Variants in XKR4 observed in about 807,000 individuals in gnomAD.
XKR4 encodes the protein XK-related protein 4.
In XKR4, 12 loss-of-function variants were observed where a neutral mutation model predicts 53.9. The observed-to-expected ratio is 0.22, with a 90% CI of 0.14 to 0.36. The LOEUF (loss-of-function observed/expected upper bound fraction) is 0.36, where lower values mean the gene tolerates loss of function less well. Ranked by LOEUF, XKR4 falls within the 10% of genes least tolerant of loss-of-function variation. The pLI, the probability that XKR4 is intolerant of heterozygous loss-of-function variation, is 1.00. For missense variants in XKR4, 799 were observed against 859.5 expected (o/e 0.93, Z 0.88); for synonymous variants, 354 against 362.4 (o/e 0.98, Z 0.26).
At chr8:55,201,029 T>G (rs1440853247) in intron 1 of XKR4, among the ~76,000 whole-genome samples, 1 of 152,248 alleles carries the variant, frequency 6.6e-6, no homozygotes, top group Non-Finnish European at 1.5e-5. Flanking sequence ...AACATCATAT[T>G]AATTTCTTGG....
At chr8:55,103,369 A>G (rs1056100174) in intron 1 of XKR4, 75 bp downstream of exon 1, 2 of 1,515,292 alleles carry the variant, frequency 1.3e-6, no homozygotes, top group Non-Finnish European at 1.8e-6. Context: ...TTGCACGGAA[A>G]TCTTTCAGGG....
At chr8:55,190,111 T>A (rs188923305) in intron 1 of XKR4, among the ~76,000 whole-genome samples, 15 of 152,332 alleles carry the variant, frequency 9.8e-5, no homozygotes, top group Admixed American at 9.8e-4. Context: ...TTGAGATGAC[T>A]TTTTACTGGA....
chr8:55,452,487 C>T (rs1022737001), intron 2 of XKR4: 10 of 632,498 alleles, frequency 1.6e-5, no homozygotes, highest in South Asian at 5.2e-5. Context: ...CAGGTAGATG[C>T]GCAGGCCATC....
chr8:55,256,668 T>C (rs1178047951), intron 1 of XKR4, among the ~76,000 whole-genome samples: 1 of 152,166 alleles, frequency 6.6e-6, no homozygotes, highest in Non-Finnish European at 1.5e-5. Flanking sequence ...ATGAGGCAAG[T>C]CTGAGATGCC....
intron 1 of XKR4, among the ~76,000 whole-genome samples, chr8:55,330,853 T>C (rs143914703): frequency 4.6e-5 from 7 of 152,276 alleles, no homozygotes; most frequent in Non-Finnish European, 8.8e-5. Context: ...GACTGCAGTA[T>C]TGGCTCACAT....
chr8:55,328,995 T>G (rs1239321060), intron 1 of XKR4, among the ~76,000 whole-genome samples: 2 of 152,174 alleles, frequency 1.3e-5, no homozygotes, highest in African/African-American at 4.8e-5. Context: ...GGGTCCCTGA[T>G]TCTCTTGTCC....
chr8:55,224,063 C>G (rs1218341810), intron 1 of XKR4, among the ~76,000 whole-genome samples: 2 of 152,194 alleles, frequency 1.3e-5, no homozygotes, highest in African/African-American at 4.8e-5. Context: ...CATTGCATAA[C>G]TAAATGTGCA....
At chr8:55,452,661 AC>A (rs2129396538) in intron 2 of XKR4, 2 of 1,435,144 alleles carry the variant, frequency 1.4e-6, no homozygotes, top group Non-Finnish European at 2.0e-6. Flanking sequence ...GTCACTGGTG[AC>A]CCCACTCTCT....
Position 55,102,923 on chromosome 8 carries a change from C to T in XKR4, c.435C>T (p.Phe145=), listed in dbSNP as rs374932583. 8 of 1,611,642 alleles carry T rather than the reference C, an allele frequency of 5.0e-6. No homozygotes were observed. The highest frequency in any genetic ancestry group is 1.7e-5 in the Admixed American group (1 of 59,990). Residue 145 remains phenylalanine, a synonymous_variant, in exon 1 of 3, where the codon TTC becomes TTT. Coordinates refer to ENST00000327381, the MANE Select transcript of XKR4 (RefSeq NM_052898.2). This position sits in a 1 kb window ranked among gnomAD's most constrained non-coding sequence, Gnocchi z 5.1. Reference sequence around the variant, plus strand: ...ACCTGCGCGGCCAGCGCTGGTGGTTCGGGCTCACGCTCTTCTTCGTGGTGC... The same window carrying T: ...ACCTGCGCGGCCAGCGCTGGTGGTTTGGGCTCACGCTCTTCTTCGTGGTGC... ...DYYLRGQRWW[F]GLTLFFVVLG... is the part of the protein sequence containing the mutation.
chr8:55,112,984 A>G (rs1816253911), intron 1 of XKR4, among the ~76,000 whole-genome samples: 1 of 152,158 alleles, frequency 6.6e-6, no homozygotes, highest in African/African-American at 2.4e-5. Context: ...TCACAAATAC[A>G]TACCTTGTGG....
chr8:55,356,275 C>T (rs781116469), intron 1 of XKR4, among the ~76,000 whole-genome samples: 15 of 152,174 alleles, frequency 9.9e-5, no homozygotes, highest in Non-Finnish European at 1.9e-4. Flanking sequence ...GATGAAAGTA[C>T]ACAATATCAC....
intron 1 of XKR4, among the ~76,000 whole-genome samples, chr8:55,133,528 G>A (rs1585895880): frequency 6.6e-6 from 1 of 152,182 alleles, no homozygotes; most frequent in Non-Finnish European, 1.5e-5. Flanking sequence ...GGAATTGGGT[G>A]CTGAGGTATC....
chr8:55,146,650 CTG>C lies in XKR4; in HGVS notation c.806+43358_806+43359del, dbSNP rs551910907. On this transcript the variant is annotated intron_variant, in intron 1 of 2. Transcript: ENST00000327381. The stretch of plus-strand genomic sequence containing the variant: ...ATTGGACACAACATGCTGGAGGAAA[CTG>C]TATCTTTTTCATGTCTTTTAAAGGG... 2.8e-4 allele frequency among the ~76,000 whole-genome samples: 43 copies of C among 152,290 alleles called. No homozygotes were observed. In the South Asian group the frequency reaches 8.5e-3, roughly 30 times the overall value.
At chr8:55,398,908 T>G (rs1490795684) in intron 2 of XKR4, among the ~76,000 whole-genome samples, 1 of 152,258 alleles carries the variant, frequency 6.6e-6, no homozygotes, top group African/African-American at 2.4e-5. Context: ...AATGTTTTAG[T>G]GCATGTGGAG....
intron 2 of XKR4, among the ~76,000 whole-genome samples, chr8:55,507,914 G>T (rs1033850280): frequency 2.0e-5 from 3 of 152,122 alleles, no homozygotes; most frequent in South Asian, 2.1e-4. Flanking sequence ...GATCCCTGAG[G>T]AATTGCCATA....
chr8:55,194,071 A>G (rs1817476212), intron 1 of XKR4, among the ~76,000 whole-genome samples: 1 of 152,170 alleles, frequency 6.6e-6, no homozygotes, highest in Non-Finnish European at 1.5e-5. Flanking sequence ...TGCCCCAGGC[A>G]GTGGTCAGGG....
At chr8:55,411,072 CT>C (rs1379153694) in intron 2 of XKR4, among the ~76,000 whole-genome samples, 3 of 152,208 alleles carry the variant, frequency 2.0e-5, no homozygotes, top group African/African-American at 7.2e-5. Flanking sequence ...GCCTTTACCC[CT>C]ATTTAGTAAT....
At chr8:55,423,734 A>C (rs1055020372) in intron 2 of XKR4, among the ~76,000 whole-genome samples, 3 of 152,254 alleles carry the variant, frequency 2.0e-5, no homozygotes, top group African/African-American at 7.2e-5. Context: ...ACCCGGCACC[A>C]GTCTCAGTGC....
chr8:55,237,691 T>C (rs1231923860), intron 1 of XKR4, among the ~76,000 whole-genome samples: 1 of 152,216 alleles, frequency 6.6e-6, no homozygotes, highest in Non-Finnish European at 1.5e-5. Flanking sequence ...GAAGAACTAA[T>C]ACAAGGACTA....
Sources: allele counts gnomAD v4.1 joint callset (sites outside exome capture counted in the v4.1 genomes callset), GRCh38; gene constraint gnomAD v4.1.1; non-coding constraint Gnocchi (gnomAD v3.1); transcripts MANE v1.5; gene names NCBI Gene and HGNC (gene_info 2026-07-23, HGNC 2026-07-21).